Variants in COL10A1 observed in about 807,000 individuals in gnomAD.
COL10A1 encodes collagen alpha-1(X) chain.
In COL10A1, 10 loss-of-function variants were observed where a neutral mutation model predicts 18.2. The observed-to-expected ratio is 0.55, with a 90% CI of 0.34 to 0.93. The LOEUF (loss-of-function observed/expected upper bound fraction) is 0.93, where lower values mean the gene tolerates loss of function less well. Ranked by LOEUF, COL10A1 falls within the 40% of genes least tolerant of loss-of-function variation. The probability of loss-of-function intolerance (pLI) is 0.02; values close to 1 mark genes in which losing one functional copy is unlikely to be tolerated. For synonymous variants in COL10A1, 330 were observed against 316.6 expected (o/e 1.04, Z -0.45); for missense variants, 897 against 853.5 (o/e 1.05, Z -0.64).
In COL10A1 at chr6:116,126,039, A is replaced by T. The variant is rs1469037773; in HGVS notation, c.-16+14T>A. 5 of 156,494 alleles carry T rather than the reference A, an allele frequency of 3.2e-5. No homozygotes were observed. The highest frequency in any genetic ancestry group is 7.0e-5 in the Non-Finnish European group (5 of 71,188). The allele number at this position is 156,494 out of a possible 1,614,324, so 9.7% of individuals were successfully genotyped here. On this transcript the variant is annotated intron_variant, in intron 1 of 2. Coordinates refer to ENST00000651968, the MANE Select transcript of COL10A1 (RefSeq NM_000493.4). ...CAAGTTAACATGGAAGTCCACCAGT[A>T]AGCGTACGCTTACCTGCGTGCTGGG... is the stretch of plus-strand genomic sequence containing the variant.
chr6:116,149,841 G>C (rs1468024812), intron 1 of COL10A1, among the ~76,000 whole-genome samples: 1 of 152,196 alleles, frequency 6.6e-6, no homozygotes, highest in African/African-American at 2.4e-5. Context: ...TAGAGGTGAG[G>C]AAATTGAGAT....
chr6:116,127,577 A>G (rs1301005510), upstream of COL10A1, among the ~76,000 whole-genome samples: 1 of 152,196 alleles, frequency 6.6e-6, no homozygotes, highest in Non-Finnish European at 1.5e-5. Context: ...ACTACAAAAG[A>G]TAAGTGAGAG....
the COL10A1 span, among the ~76,000 whole-genome samples, chr6:116,182,345 ATGTG>A: frequency 6.6e-6 from 1 of 151,938 alleles, no homozygotes; most frequent in African/African-American, 2.4e-5. Context: ...GCTGCTATAA[ATGTG>A]TGTGTAAGTA....
the COL10A1 span, among the ~76,000 whole-genome samples, chr6:116,188,541 T>C: frequency 4.6e-5 from 7 of 151,978 alleles, no homozygotes; most frequent in Non-Finnish European, 1.0e-4. Flanking sequence ...ATACAGGATA[T>C]ACATATTCTA....
intron 2 of COL10A1, among the ~76,000 whole-genome samples, chr6:116,124,363 G>A (rs183140125): frequency 2.0e-5 from 3 of 152,214 alleles, no homozygotes; most frequent in Non-Finnish European, 2.9e-5. Context: ...ATAGGCGGTC[G>A]TGTCAGTTGC....
chr6:116,175,955 C>CTTGT, the COL10A1 span, among the ~76,000 whole-genome samples: 44 of 152,070 alleles, frequency 2.9e-4, no homozygotes, highest in South Asian at 8.3e-3. Flanking sequence ...TTGGGGGCTT[C>CTTGT]TTGTTTGTTT....
At chr6:116,173,643 C>T in the COL10A1 span, among the ~76,000 whole-genome samples, 1 of 152,100 alleles carries the variant, frequency 6.6e-6, no homozygotes, top group Admixed American at 6.5e-5. Context: ...TTGGGCTCCT[C>T]TTTTCCTGCA....
At chr6:116,183,308 G>A in the COL10A1 span, among the ~76,000 whole-genome samples, 2 of 152,118 alleles carry the variant, frequency 1.3e-5, no homozygotes, top group African/African-American at 4.8e-5. Context: ...TGGGTAATGT[G>A]ATGCCTCCAG....
chr6:116,189,701 A>G, the COL10A1 span, among the ~76,000 whole-genome samples: 14 of 152,018 alleles, frequency 9.2e-5, no homozygotes, highest in Admixed American at 3.3e-4. Flanking sequence ...ATAGTTGGCC[A>G]TGGTGAAATG....
At chr6:116,194,253 G>A in the COL10A1 span, among the ~76,000 whole-genome samples, 2 of 151,918 alleles carry the variant, frequency 1.3e-5, no homozygotes, top group Non-Finnish European at 2.9e-5. Flanking sequence ...TTCAAATGAC[G>A]GAGTTTATAA....
chr6:116,210,262 A>G, the COL10A1 span, among the ~76,000 whole-genome samples: 11 of 152,128 alleles, frequency 7.2e-5, no homozygotes, highest in African/African-American at 2.6e-4. Flanking sequence ...GTAAGGTTCA[A>G]AAAGAAGCTA....
At chr6:116,210,581 G>T in the COL10A1 span, among the ~76,000 whole-genome samples, 1 of 151,876 alleles carries the variant, frequency 6.6e-6, no homozygotes, top group Admixed American at 6.6e-5. Flanking sequence ...TATAGGACCT[G>T]TTCCTGGGGT....
the COL10A1 span, among the ~76,000 whole-genome samples, chr6:116,167,206 ATTTTTTTTT>A: frequency 1.1e-5 from 1 of 87,796 alleles, no homozygotes; most frequent in African/African-American, 4.9e-5. Context: ...CAAATAGAAG[ATTTTTTTTT>A]TTTTTTTTTT....
At chr6:116,179,867 A>T in the COL10A1 span, among the ~76,000 whole-genome samples, 1 of 152,166 alleles carries the variant, frequency 6.6e-6, no homozygotes, top group Admixed American at 6.5e-5. Context: ...TCTTGATGTC[A>T]TGAAAATCAC....
chr6:116,188,695 G>A, the COL10A1 span, among the ~76,000 whole-genome samples: 1 of 133,438 alleles, frequency 7.5e-6, no homozygotes, highest in Non-Finnish European at 1.6e-5. Flanking sequence ...TGGTATCCTG[G>A]AAATTTTCTA....
At chr6:116,178,105 G>A in the COL10A1 span, among the ~76,000 whole-genome samples, 5 of 89,510 alleles carry the variant, frequency 5.6e-5, no homozygotes, top group South Asian at 3.0e-4. Flanking sequence ...GCGCGCGCGT[G>A]CGTGCGTGTG....
the COL10A1 span, among the ~76,000 whole-genome samples, chr6:116,185,475 C>G: frequency 3.3e-5 from 5 of 152,050 alleles, no homozygotes; most frequent in African/African-American, 4.8e-5. Flanking sequence ...AAGTCCCCCA[C>G]TATTATTGTG....
the COL10A1 span, among the ~76,000 whole-genome samples, chr6:116,203,321 G>A: frequency 1.3e-5 from 2 of 151,872 alleles, no homozygotes; most frequent in Non-Finnish European, 2.9e-5. Flanking sequence ...GTTATTAAAT[G>A]TGAACATATT....
chr6:116,163,137 A>ATACATATAT (rs1554197055), upstream of COL10A1, among the ~76,000 whole-genome samples: 1 of 105,420 alleles, frequency 9.5e-6, no homozygotes, highest in East Asian at 2.7e-4. Flanking sequence ...AAAAAAAAAA[A>ATACATATAT]AAAAATATAT....
Sources: gnomAD v4.1 joint callset for allele counts (sites outside exome capture counted in the v4.1 genomes callset) on GRCh38, gnomAD v4.1.1 for gene constraint, MANE v1.5 for transcripts, NCBI Gene and HGNC (gene_info 2026-07-23, HGNC 2026-07-21) for gene names.